The following LIMK1 variants were observed in gnomAD, a reference collection of about 807,000 sequenced individuals.
LIMK1 encodes LIM motif-containing protein kinase.
Under a neutral mutation model 77.6 loss-of-function variants are expected in LIMK1, and 21 were observed. The observed-to-expected ratio is 0.27, with a 90% CI of 0.19 to 0.39. The LOEUF is 0.39. LIMK1 is among the 10% of genes least tolerant of loss of function. LIMK1 has a pLI of 1.00. For synonymous variants in LIMK1, 358 were observed against 370.0 expected (o/e 0.97, Z 0.37); for missense variants, 696 against 901.6 (o/e 0.77, Z 2.92).
At chr7:74,115,116 G>A (rs1799780676) in intron 12 of LIMK1, among the ~76,000 whole-genome samples, 1 of 151,164 alleles carries the variant, frequency 6.6e-6, no homozygotes, top group African/African-American at 2.4e-5. Context: ...CACAGGACCT[G>A]GGTCTATAAT....
At chr7:74,093,645 T>G (rs543555306) in intron 2 of LIMK1, among the ~76,000 whole-genome samples, 3 of 152,268 alleles carry the variant, frequency 2.0e-5, no homozygotes, top group African/African-American at 7.2e-5. Flanking sequence ...TTTCATGCCC[T>G]CCGGGTGCCT....
intron 13 of LIMK1, among the ~76,000 whole-genome samples, chr7:74,118,139 G>A (rs555677161): frequency 3.3e-5 from 5 of 151,788 alleles, no homozygotes; most frequent in Non-Finnish European, 7.4e-5. Context: ...CACTTTGGGA[G>A]GCTGAGGTGG....
At chr7:74,113,493 C>T (rs979900970) in intron 12 of LIMK1, among the ~76,000 whole-genome samples, 2 of 152,018 alleles carry the variant, frequency 1.3e-5, no homozygotes, top group Non-Finnish European at 2.9e-5. Context: ...GGCATGGTGG[C>T]GCATGCCTGT....
Position 74,111,692 on chromosome 7 carries a change from C to T in LIMK1, c.1329C>T (p.Asp443=), listed in dbSNP as rs1554698656. 15 of 1,613,156 alleles carry T rather than the reference C, an allele frequency of 9.3e-6. No individual in the cohort carries two copies. In the African/African-American group the frequency reaches 1.6e-4, roughly 17 times the overall value. Residue 443 remains aspartate (D), a synonymous_variant, in exon 11 of 16, where the codon GAC becomes GAT. Transcript: ENST00000336180. ...GCCAGAGAGTGAGCTTTGCCAAGGA[C>T]ATCGCATCAGGGATGGTGAGTGAGC... is the stretch of plus-strand genomic sequence containing the variant. ...PWSQRVSFAK[D]IASGMAYLHS...
At chr7:74,085,675 G>A in intron 1 of LIMK1, 73 bp from the exon 2 acceptor site, 1 of 1,184,176 alleles carries the variant, frequency 8.4e-7, no homozygotes, top group African/African-American at 1.5e-5. Context: ...TATGTGGGGT[G>A]GGCAGGGCAA....
At chr7:74,087,966 G>C (rs142695848) in intron 2 of LIMK1, among the ~76,000 whole-genome samples, 1 of 152,018 alleles carries the variant, frequency 6.6e-6, no homozygotes, top group Admixed American at 6.6e-5. Flanking sequence ...GGCGTGCAGT[G>C]GTGAGATCAT....
intron 5 of LIMK1, 67 bp from the exon 6 acceptor site, chr7:74,105,808 G>A (rs1005639887): frequency 1.5e-5 from 17 of 1,153,542 alleles, no homozygotes; most frequent in South Asian, 5.1e-5. Flanking sequence ...GGTGCCCTTC[G>A]CCTTGGTTTC....
At chr7:74,117,156 C>T (rs1305240795) in intron 13 of LIMK1, among the ~76,000 whole-genome samples, 1 of 152,176 alleles carries the variant, frequency 6.6e-6, no homozygotes, top group African/African-American at 2.4e-5. Flanking sequence ...GCTGGGATTA[C>T]AGGCGTGAGC....
intron 2 of LIMK1, among the ~76,000 whole-genome samples, chr7:74,093,707 G>A (rs1310748132): frequency 6.6e-6 from 1 of 152,238 alleles, no homozygotes; most frequent in East Asian, 1.9e-4. Context: ...CTCAGGGAGG[G>A]GTACCCTGGA....
In LIMK1 at chr7:74,121,097, G is replaced by A. The variant is rs543141611; in HGVS notation, c.1782-42G>A. On this transcript the variant is annotated intron_variant, in intron 15 of 15. Transcript: ENST00000336180. ...CTGGGAGACGGTGGGGCCGATTCCC[G>A]GGACAGCCAGACCCACCGTTCCCCA... 246 of 1,600,024 alleles carry A rather than the reference G, an allele frequency of 1.5e-4. 2 individuals carry two copies. The South Asian group carries it at 2.1e-3, about 14-fold the overall frequency.
At chr7:74,119,600 C>G (rs1009451862) in intron 13 of LIMK1, among the ~76,000 whole-genome samples, 1 of 151,658 alleles carries the variant, frequency 6.6e-6, no homozygotes, top group African/African-American at 2.4e-5. Flanking sequence ...TTGTTAGAAA[C>G]TTGATTATTT....
chr7:74,121,214 A>C lies in LIMK1; in HGVS notation c.1857A>C (p.Pro619=), dbSNP rs782425000. The C allele has an allele frequency of 1.2e-6, 2 of 1,613,814 alleles. No homozygotes were observed. Among genetic ancestry groups the C allele is most frequent in the Admixed American group, 3.3e-5 (2 of 59,996 alleles). The change falls in exon 16 of 16, where the codon CCA becomes CCC. Residue 619 remains proline, a synonymous_variant. Transcript: ENST00000336180. ...MHLAGHLPLG[P]QLEQLDRGFW... ...TGGCCGGCCACCTGCCACTGGGCCCACAGCTGGAGCAGCTGGACAGAGGTT... is the reference window on the plus strand; with the variant it reads ...TGGCCGGCCACCTGCCACTGGGCCCCCAGCTGGAGCAGCTGGACAGAGGTT...
intron 13 of LIMK1, among the ~76,000 whole-genome samples, chr7:74,118,502 A>G (rs1358838557): frequency 6.6e-6 from 1 of 151,534 alleles, no homozygotes; most frequent in African/African-American, 2.4e-5. Flanking sequence ...TTGTAATCCC[A>G]GCACTTTGGG....
At chr7:74,112,750 G>A (rs1268244835) in intron 12 of LIMK1, among the ~76,000 whole-genome samples, 6 of 152,058 alleles carry the variant, frequency 3.9e-5, no homozygotes, top group Non-Finnish European at 7.4e-5. Context: ...GTGTGAACCC[G>A]GGAGGCGGAA....
intron 10 of LIMK1, chr7:74,111,236 A>C (rs1481632174): frequency 5.1e-6 from 1 of 196,590 alleles, no homozygotes; most frequent in Admixed American, 5.3e-5. Flanking sequence ...AAGGAGTTCA[A>C]GACCAGCCTG....
intron 12 of LIMK1, among the ~76,000 whole-genome samples, chr7:74,114,240 CA>C (rs1314815880): frequency 6.6e-6 from 1 of 151,020 alleles, no homozygotes; most frequent in East Asian, 1.9e-4. Context: ...GACTCCATCT[CA>C]AAAAAAATAA....
chr7:74,120,475 C>A (rs1298940507), intron 13 of LIMK1, 108 bp from the exon 14 acceptor site: 24 of 1,191,814 alleles, frequency 2.0e-5, no homozygotes, highest in South Asian at 9.0e-5. Context: ...GCCTCCTGGG[C>A]CTGGACCTCC....
intron 13 of LIMK1, among the ~76,000 whole-genome samples, chr7:74,116,167 G>C (rs1041472673): frequency 6.6e-6 from 1 of 152,238 alleles, no homozygotes; most frequent in Non-Finnish European, 1.5e-5. Context: ...GCTGAGGTGA[G>C]TGGATCACCT....
intron 13 of LIMK1, among the ~76,000 whole-genome samples, chr7:74,118,019 A>G (rs1279127142): frequency 6.6e-6 from 1 of 151,450 alleles, no homozygotes; most frequent in African/African-American, 2.4e-5. Flanking sequence ...ACTTGAACCC[A>G]GGAGCAGAGG....
Sources: gnomAD v4.1 joint callset for allele counts (sites outside exome capture counted in the v4.1 genomes callset) on GRCh38, gnomAD v4.1.1 for gene constraint, MANE v1.5 for transcripts, NCBI Gene and HGNC (gene_info 2026-07-23, HGNC 2026-07-21) for gene names.